ANKS1B: variants seen among roughly 807,000 people sequenced by gnomAD.
ANKS1B encodes the protein ankyrin repeat and sterile alpha motif domain-containing protein 1B.
A neutral mutation model predicts 148.3 loss-of-function variants in ANKS1B; 36 were observed. The observed-to-expected ratio is 0.24, with a 90% CI of 0.19 to 0.32. The LOEUF (loss-of-function observed/expected upper bound fraction) is 0.32, where lower values mean the gene tolerates loss of function less well. Among genes scored for constraint, ANKS1B ranks in the 10% least tolerant of loss-of-function variants. The pLI is 1.00. For missense variants in ANKS1B, 1,157 were observed against 1,542.6 expected (o/e 0.75, Z 4.19); for synonymous variants, 542 against 560.8 (o/e 0.97, Z 0.47).
At chr12:99,763,929 C>T (rs889855846) in intron 8 of ANKS1B, among the ~76,000 whole-genome samples, 6 of 152,046 alleles carry the variant, frequency 3.9e-5, no homozygotes, top group Non-Finnish European at 8.8e-5. Flanking sequence ...AAGATCCTAG[C>T]GATATATTGT....
chr12:99,153,015 T>C (rs1403397572), intron 15 of ANKS1B, among the ~76,000 whole-genome samples: 1 of 152,066 alleles, frequency 6.6e-6, no homozygotes, highest in Non-Finnish European at 1.5e-5. Context: ...AAAATAACAG[T>C]AGCTGCATAT....
chr12:99,371,167 A>T (rs1249951792), intron 12 of ANKS1B, among the ~76,000 whole-genome samples: 3 of 152,062 alleles, frequency 2.0e-5, no homozygotes, highest in African/African-American at 7.2e-5. Flanking sequence ...TTTGTATGGC[A>T]TTTAGAGCCT....
chr12:99,152,189 T>G (rs749578972), intron 15 of ANKS1B, among the ~76,000 whole-genome samples: 8 of 152,156 alleles, frequency 5.3e-5, no homozygotes, highest in Non-Finnish European at 1.2e-4. Flanking sequence ...CTTATGATAC[T>G]AGTAGCAAAT....
At chr12:99,469,370 G>A (rs12815805) in intron 10 of ANKS1B, among the ~76,000 whole-genome samples, 50,912 of 151,176 alleles carry the variant, frequency 0.34, 9,584 homozygotes, top group African/African-American at 0.51. Flanking sequence ...CAGCACACCA[G>A]CATGGCACAT....
At chr12:99,824,406 A>G (rs1357616475) in intron 2 of ANKS1B, among the ~76,000 whole-genome samples, 1 of 152,128 alleles carries the variant, frequency 6.6e-6, no homozygotes, top group Non-Finnish European at 1.5e-5. Context: ...AGGCAGAGGC[A>G]GGAGAATAAC....
chr12:98,945,821 G>C (rs929165289), intron 17 of ANKS1B, among the ~76,000 whole-genome samples: 2 of 152,188 alleles, frequency 1.3e-5, no homozygotes, highest in Non-Finnish European at 2.9e-5. Flanking sequence ...TAAAGCTCAT[G>C]TGCTACTGAA....
chr12:99,422,284 G>A (rs1356787910), intron 11 of ANKS1B, among the ~76,000 whole-genome samples: 1 of 152,124 alleles, frequency 6.6e-6, no homozygotes, highest in African/African-American at 2.4e-5. Flanking sequence ...CCACTTACCA[G>A]ATTTAAGAGA....
At chr12:99,964,128 A>G (rs1256999134) in intron 1 of ANKS1B, among the ~76,000 whole-genome samples, 3 of 152,298 alleles carry the variant, frequency 2.0e-5, no homozygotes, top group South Asian at 2.1e-4. Context: ...TATACATGAA[A>G]AAAAGCCCAT....
At chr12:99,513,836 A>G (rs1396987339) in intron 9 of ANKS1B, among the ~76,000 whole-genome samples, 1 of 152,030 alleles carries the variant, frequency 6.6e-6, no homozygotes, top group Non-Finnish European at 1.5e-5. Context: ...CCTCTCTTCT[A>G]ATCAATTCAT....
At chr12:99,464,630 A>G (rs1017718974) in intron 10 of ANKS1B, among the ~76,000 whole-genome samples, 11 of 152,218 alleles carry the variant, frequency 7.2e-5, no homozygotes, top group African/African-American at 2.7e-4. Context: ...AAGGCTCGAG[A>G]ACTACGTGAA....
intron 1 of ANKS1B, among the ~76,000 whole-genome samples, chr12:99,909,120 T>C (rs1565977178): frequency 6.6e-6 from 1 of 152,082 alleles, no homozygotes; most frequent in Non-Finnish European, 1.5e-5. Context: ...TTTTTCTTTC[T>C]GTGCCTGGCT....
intron 8 of ANKS1B, among the ~76,000 whole-genome samples, chr12:99,659,174 T>C (rs931154678): frequency 6.6e-6 from 1 of 152,174 alleles, no homozygotes; most frequent in African/African-American, 2.4e-5. Context: ...AAAGACAGCA[T>C]ATAAATTGGC....
intron 8 of ANKS1B, among the ~76,000 whole-genome samples, chr12:99,710,841 C>T (rs1352020617): frequency 6.6e-6 from 1 of 152,108 alleles, no homozygotes; most frequent in Non-Finnish European, 1.5e-5. Flanking sequence ...CTCAGGGGAG[C>T]ATATAATTAA....
chr12:99,678,072 A>C (rs1473590669), intron 8 of ANKS1B, among the ~76,000 whole-genome samples: 1 of 152,196 alleles, frequency 6.6e-6, no homozygotes, highest in African/African-American at 2.4e-5. Context: ...GGCATGCTCC[A>C]TTCATTACTC....
At chr12:98,897,139 T>C (rs1279358148) in intron 17 of ANKS1B, among the ~76,000 whole-genome samples, 2 of 152,196 alleles carry the variant, frequency 1.3e-5, no homozygotes, top group Non-Finnish European at 2.9e-5. Context: ...TGAAAATGCT[T>C]CTTGGGAGAG....
chr12:99,719,112 C>T (rs558121265), intron 8 of ANKS1B, among the ~76,000 whole-genome samples: 1 of 152,300 alleles, frequency 6.6e-6, no homozygotes, highest in African/African-American at 2.4e-5. Flanking sequence ...ACAACTTGAC[C>T]TTACTGTTTT....
intron 1 of ANKS1B, among the ~76,000 whole-genome samples, chr12:99,853,850 C>T (rs866070525): frequency 1.3e-5 from 2 of 152,040 alleles, no homozygotes; most frequent in Middle Eastern, 3.4e-3. Flanking sequence ...GGAAAAATCT[C>T]CAATGAAATA....
chr12:99,434,061 A>T (rs2095421312), intron 11 of ANKS1B, among the ~76,000 whole-genome samples: 1 of 152,162 alleles, frequency 6.6e-6, no homozygotes, highest in African/African-American at 2.4e-5. Context: ...TCACAGCTAA[A>T]TTCCAGAATT....
At chr12:99,666,923 T>C (rs2098511164) in intron 8 of ANKS1B, among the ~76,000 whole-genome samples, 1 of 150,584 alleles carries the variant, frequency 6.6e-6, no homozygotes, top group Non-Finnish European at 1.5e-5. Context: ...TCAACTCTCT[T>C]AGCAAATTTC....
Sources: allele counts gnomAD v4.1 joint callset (sites outside exome capture counted in the v4.1 genomes callset), GRCh38; gene constraint gnomAD v4.1.1; transcripts MANE v1.5; gene names NCBI Gene and HGNC (gene_info 2026-07-23, HGNC 2026-07-21).